The following HYDIN variants were observed in gnomAD, a reference collection of about 807,000 sequenced individuals.
The protein encoded by HYDIN is axonemal central pair apparatus protein HYDIN.
In HYDIN, 132 loss-of-function variants were observed where a neutral mutation model predicts 403.9. That is an observed-to-expected ratio of 0.33 (90% confidence interval 0.28 to 0.38). The LOEUF (loss-of-function observed/expected upper bound fraction) is 0.38. HYDIN is among the 10% of genes least tolerant of loss of function. The pLI, the probability that HYDIN is intolerant of heterozygous loss-of-function variation, is 1.00. For synonymous variants in HYDIN, 1,202 were observed against 1,891.7 expected, an observed-to-expected ratio of 0.64 and a Z score of 9.46; for missense variants, 2,827 against 5,009.5, an observed-to-expected ratio of 0.56 and a Z score of 13.15.
intron 83 of HYDIN, among the ~76,000 whole-genome samples, chr16:70,824,652 G>C (rs1314437622): frequency 1.3e-5 from 2 of 149,248 alleles, no homozygotes; most frequent in Admixed American, 1.3e-4. Context: ...CTCAATATGG[G>C]GTTTCACCAT....
intron 31 of HYDIN, among the ~76,000 whole-genome samples, 191 bp from the exon 32 acceptor site, chr16:70,974,861 T>G (rs1055622116): frequency 6.6e-6 from 1 of 152,226 alleles, no homozygotes; most frequent in Non-Finnish European, 1.5e-5. Context: ...CACCACTGTT[T>G]TGGCCATTAT....
chr16:70,931,830 T>C (rs1434465282), intron 45 of HYDIN, among the ~76,000 whole-genome samples: 17 of 135,164 alleles, frequency 1.3e-4, no homozygotes, highest in East Asian at 7.0e-4. Flanking sequence ...GCCTGGCCAA[T>C]ATGGTGAAAT....
At position 71,050,752 on chromosome 16, in the gene HYDIN, C is replaced by T. The variant is rs181365411; in HGVS notation, c.2529+9752G>A. 3.4e-3 allele frequency among the ~76,000 whole-genome samples: 514 copies of T among 151,814 alleles called. 10 individuals carry two copies. The highest frequency in any genetic ancestry group is 0.032 in the Admixed American group (482 of 15,236). Reference sequence around the variant, plus strand: ...AGACAATATTTGGAATAATTTTTTACCAATACATTTGCAAACTTTGATAAA... The same window carrying T: ...AGACAATATTTGGAATAATTTTTTATCAATACATTTGCAAACTTTGATAAA... On this transcript the variant is annotated intron_variant, in intron 18 of 85. Transcript: ENST00000393567.
intron 37 of HYDIN, among the ~76,000 whole-genome samples, chr16:70,962,622 G>A (rs544715456): frequency 6.6e-6 from 1 of 150,886 alleles, no homozygotes; most frequent in Non-Finnish European, 1.5e-5. Context: ...CTGTGTCATT[G>A]TTAGGGACAG....
chr16:70,943,724 G>A, intron 42 of HYDIN, 88 bp downstream of exon 42: 1 of 1,507,744 alleles, frequency 6.6e-7, no homozygotes. Context: ...TGCCGTGGGT[G>A]GCTGATGGCC....
intron 36 of HYDIN, among the ~76,000 whole-genome samples, chr16:70,965,847 G>A (rs566526598): frequency 9.4e-4 from 143 of 152,114 alleles, no homozygotes; most frequent in Non-Finnish European, 1.7e-3. Flanking sequence ...GAAGGCTATT[G>A]CCCTACCAGA....
intron 8 of HYDIN, among the ~76,000 whole-genome samples, chr16:71,130,308 T>C (rs1444255445): frequency 6.6e-6 from 1 of 152,096 alleles, no homozygotes; most frequent in Non-Finnish European, 1.5e-5. Flanking sequence ...ATCTGTTTAC[T>C]AGCTCTGTGA....
rs574102120 is a variant in HYDIN, at chr16:71,137,107, C to A, written c.1043+44G>T. On this transcript the variant is annotated intron_variant, in intron 8 of 85. Transcript: ENST00000393567. ...TTTCATAATAACTGAGTTTTACATTCCCCCCCTCCAAATTACTGCATATAG... is the reference window on the plus strand; with the variant it reads ...TTTCATAATAACTGAGTTTTACATTACCCCCCTCCAAATTACTGCATATAG... The A allele has an allele frequency of 7.5e-6, 6 of 795,014 alleles. No individual in the cohort carries two copies. The East Asian group carries it at 1.2e-4, about 17-fold the overall frequency. The allele number at this position is 795,014 out of a possible 1,614,324, so 49.2% of individuals were successfully genotyped here.
At chr16:70,953,457 ACTC>A (rs1018426078) in intron 40 of HYDIN, among the ~76,000 whole-genome samples, 1 of 150,684 alleles carries the variant, frequency 6.6e-6, no homozygotes, top group African/African-American at 2.4e-5. Context: ...GGGACGTGAA[ACTC>A]CTCCTCGCTT....
rs1026868535 is a variant in HYDIN, at chr16:70,961,862, T to C, written c.5968+97A>G. ...GCAGGGCAGGATGGGCTAGGAGCCATACGAGGAGGCTTAGAGAAAGTGACA... is the reference window on the plus strand; with the variant it reads ...GCAGGGCAGGATGGGCTAGGAGCCACACGAGGAGGCTTAGAGAAAGTGACA... On this transcript the variant is annotated intron_variant, in intron 38 of 85. Transcript: ENST00000393567. 6.3e-6 allele frequency: 6 copies of C among 946,248 alleles called. No individual in the cohort carries two copies. The African/African-American group carries it at 8.6e-5, about 14-fold the overall frequency. The allele number at this position is 946,248 out of a possible 1,614,324, so 58.6% of individuals were successfully genotyped here. A position where few individuals can be genotyped will look rare whatever the true frequency, so the allele number is the denominator to read the frequency against.
At chr16:71,194,194 C>G (rs891830951) in intron 1 of HYDIN, among the ~76,000 whole-genome samples, 8 of 152,178 alleles carry the variant, frequency 5.3e-5, no homozygotes, top group Non-Finnish European at 1.2e-4. Context: ...AGGTAGATCA[C>G]AAGGTCAGGA....
chr16:70,839,441 C>T lies in HYDIN; in HGVS notation c.13043+623G>A, dbSNP rs562879297. Among the ~76,000 whole-genome samples, 1,365 of 148,282 alleles carry T rather than the reference C, an allele frequency of 9.2e-3. 13 individuals carry two copies. The highest frequency in any genetic ancestry group is 0.082 in the Middle Eastern group (24 of 292). ...AAATAAAAAATCAGTTCTTTAGTTT[C>T]GCTAGCCACATTTTAAGTGCTCTGA... On this transcript the variant is annotated intron_variant, in intron 76 of 85. Coordinates refer to ENST00000393567, the MANE Select transcript of HYDIN (RefSeq NM_001270974.2).
rs562978340 is a variant in HYDIN at position 71,069,585 on chromosome 16, C to T, written c.1739-83G>A. On this transcript the variant is annotated intron_variant, in intron 13 of 85. Transcript: ENST00000393567. ...TCAATCTCCCCTAGAAACTGCTAAG[C>T]TTCTTGAATGAACTGTCTGTGCTAT... 11 of 703,194 alleles carry T rather than the reference C, an allele frequency of 1.6e-5. No homozygotes were observed. In the South Asian group the frequency reaches 1.7e-4, roughly 11 times the overall value. The allele number at this position is 703,194 out of a possible 1,614,324, so 43.6% of individuals were successfully genotyped here.
At chr16:70,972,584 GTT>G (rs376331596) in intron 35 of HYDIN, among the ~76,000 whole-genome samples, 2,106 of 150,042 alleles carry the variant, frequency 0.014, 33 homozygotes, top group African/African-American at 0.049. Context: ...ATAGTTAATA[GTT>G]ATTGAGAGAT....
At chr16:71,202,002 T>A (rs1414290675) in intron 1 of HYDIN, among the ~76,000 whole-genome samples, 2 of 152,252 alleles carry the variant, frequency 1.3e-5, no homozygotes, top group African/African-American at 4.8e-5. Flanking sequence ...TCAAATATGC[T>A]AATTTAAACA....
intron 14 of HYDIN, among the ~76,000 whole-genome samples, chr16:71,068,006 A>G (rs2082331793): frequency 6.6e-6 from 1 of 151,858 alleles, no homozygotes; most frequent in Non-Finnish European, 1.5e-5. Flanking sequence ...TTCCAATTCC[A>G]GCAAGTTGGA....
chr16:71,098,365 CTAA>C (rs2083345030), intron 10 of HYDIN, among the ~76,000 whole-genome samples: 1 of 151,872 alleles, frequency 6.6e-6, no homozygotes, highest in African/African-American at 2.4e-5. Context: ...CCACGCCCGG[CTAA>C]TATTTTTGTA....
intron 1 of HYDIN, among the ~76,000 whole-genome samples, chr16:71,206,472 C>T (rs2088305359): frequency 6.6e-6 from 1 of 152,184 alleles, no homozygotes; most frequent in African/African-American, 2.4e-5. Context: ...GCCCACACAG[C>T]TGAGAGAGAA....
chr16:70,927,623 C>G (rs1257080163), intron 45 of HYDIN, among the ~76,000 whole-genome samples: 2 of 152,226 alleles, frequency 1.3e-5, no homozygotes, highest in Non-Finnish European at 2.9e-5. Context: ...ACTGCCTCTT[C>G]AATAAAGCTG....
Sources: allele counts gnomAD v4.1 joint callset (sites outside exome capture counted in the v4.1 genomes callset), GRCh38; gene constraint gnomAD v4.1.1; transcripts MANE v1.5; gene names NCBI Gene and HGNC (gene_info 2026-07-23, HGNC 2026-07-21).